Variants in SGCZ observed in about 807,000 individuals in gnomAD.
SGCZ encodes the protein zeta-sarcoglycan.
SGCZ carries 40 observed loss-of-function variants against 41.3 expected under a neutral mutation model. That is an observed-to-expected ratio of 0.97 (90% CI 0.75 to 1.26). The LOEUF is 1.26. SGCZ is among the 50% of genes most tolerant of loss of function. SGCZ has a pLI of 0.00. For missense variants in SGCZ, 552 were observed against 369.8 expected (o/e 1.49, Z -4.04); for synonymous variants, 206 against 137.5 (o/e 1.50, Z -3.49).
Position 14,975,728 on chromosome 8 carries a change from G to A in SGCZ, c.39+261857C>T, listed in dbSNP as rs560143740. ...GATAAAATGCTGTGTTTTCTCTTAC[G>A]AAATAGTATGTTTTTACCTTATTGA... is the stretch of plus-strand genomic sequence containing the variant. On this transcript the variant is annotated intron_variant, in intron 1 of 7. Transcript: ENST00000382080. 2.6e-3 allele frequency among the ~76,000 whole-genome samples: 391 copies of A among 151,064 alleles called. 3 individuals are homozygous for A. Among genetic ancestry groups the A allele is most frequent in the African/African-American group, 9.0e-3 (370 of 41,114 alleles).
intron 1 of SGCZ, among the ~76,000 whole-genome samples, chr8:15,203,665 TAGAA>T (rs1193906339): frequency 6.6e-6 from 1 of 152,134 alleles, no homozygotes; most frequent in Non-Finnish European, 1.5e-5. Flanking sequence ...TGAGTGCAAA[TAGAA>T]AGGAAAATAA....
At chr8:14,832,756 T>C (rs763026583) in intron 1 of SGCZ, among the ~76,000 whole-genome samples, 5 of 152,102 alleles carry the variant, frequency 3.3e-5, no homozygotes, top group Non-Finnish European at 5.9e-5. Context: ...CCTATGAATA[T>C]TAGGCTCAAT....
chr8:14,646,297 G>A (rs367856586), intron 1 of SGCZ, among the ~76,000 whole-genome samples: 6 of 152,048 alleles, frequency 3.9e-5, no homozygotes, highest in African/African-American at 1.4e-4. Flanking sequence ...GCAAGAACAT[G>A]TGGTATTTGG....
intron 3 of SGCZ, among the ~76,000 whole-genome samples, chr8:14,297,119 C>T (rs983414222): frequency 8.6e-5 from 13 of 151,988 alleles, no homozygotes; most frequent in South Asian, 2.1e-4. Context: ...AACGGGGTTT[C>T]GCCATGTTAG....
chr8:14,102,992 C>G lies in SGCZ; in HGVS notation c.621-493G>C, dbSNP rs1030622029. Among the ~76,000 whole-genome samples, 18 of 152,146 alleles carry G rather than the reference C, an allele frequency of 1.2e-4. 1 individual carries two copies. Among genetic ancestry groups the G allele is most frequent in the African/African-American group, 4.1e-4 (17 of 41,432 alleles). Reference sequence around the variant, plus strand: ...TAATGAAAATTGTTAATATTGCACACTTTCAGGCATGTGCAAAATATTATG... The same window carrying G: ...TAATGAAAATTGTTAATATTGCACAGTTTCAGGCATGTGCAAAATATTATG... On this transcript the variant is annotated intron_variant, in intron 6 of 7. Transcript: ENST00000382080.
intron 5 of SGCZ, among the ~76,000 whole-genome samples, chr8:14,146,247 T>C (rs1803516704): frequency 6.6e-6 from 1 of 152,200 alleles, no homozygotes; most frequent in Non-Finnish European, 1.5e-5. Flanking sequence ...GCCAACTCTT[T>C]CAGTGGAAAC....
chr8:15,074,317 C>G (rs1805455825), intron 1 of SGCZ, among the ~76,000 whole-genome samples: 1 of 152,146 alleles, frequency 6.6e-6, no homozygotes, highest in Non-Finnish European at 1.5e-5. Flanking sequence ...CATCCCAACA[C>G]CTTGTCTCTC....
At chr8:14,967,829 T>C (rs1295249778) in intron 1 of SGCZ, among the ~76,000 whole-genome samples, 1 of 152,140 alleles carries the variant, frequency 6.6e-6, no homozygotes, top group Non-Finnish European at 1.5e-5. Flanking sequence ...TGATTAAAAA[T>C]TACTCTCTGC....
chr8:14,701,765 A>C (rs1809145207), intron 1 of SGCZ, among the ~76,000 whole-genome samples: 1 of 151,616 alleles, frequency 6.6e-6, no homozygotes, highest in Non-Finnish European at 1.5e-5. Flanking sequence ...ACCTCTTACC[A>C]AACCCCCTGC....
intron 1 of SGCZ, among the ~76,000 whole-genome samples, chr8:14,658,903 G>A (rs1807660603): frequency 6.6e-6 from 1 of 151,594 alleles, no homozygotes; most frequent in Non-Finnish European, 1.5e-5. Context: ...AAAAAAATGA[G>A]GAAAGGAAGG....
At chr8:14,154,593 A>G (rs1204371599) in intron 5 of SGCZ, among the ~76,000 whole-genome samples, 1 of 152,210 alleles carries the variant, frequency 6.6e-6, no homozygotes, top group Non-Finnish European at 1.5e-5. Flanking sequence ...AGTCATGTGC[A>G]TAATTTTTAA....
chr8:15,015,442 G>C (rs1193814927), intron 1 of SGCZ, among the ~76,000 whole-genome samples: 1 of 151,782 alleles, frequency 6.6e-6, no homozygotes, highest in Admixed American at 6.6e-5. Flanking sequence ...GCTCACACTT[G>C]TAATCCCAGC....
intron 1 of SGCZ, among the ~76,000 whole-genome samples, chr8:14,965,287 A>T (rs966484011): frequency 1.3e-5 from 2 of 152,130 alleles, no homozygotes; most frequent in Admixed American, 1.3e-4. Flanking sequence ...GGTAGGTGCG[A>T]TGTTTAACCT....
At chr8:14,305,124 T>G (rs1427019) in intron 3 of SGCZ, among the ~76,000 whole-genome samples, 21,709 of 152,134 alleles carry the variant, frequency 0.14, 1,718 homozygotes, top group Admixed American at 0.21. Context: ...AGTACATATC[T>G]TATTTTACTG....
intron 4 of SGCZ, among the ~76,000 whole-genome samples, chr8:14,227,267 T>G (rs374553555): frequency 6.6e-6 from 1 of 152,094 alleles, no homozygotes; most frequent in South Asian, 2.1e-4. Context: ...AACAGTTTTC[T>G]TTATTCTAAT....
chr8:14,458,338 A>G (rs889770153), intron 2 of SGCZ, among the ~76,000 whole-genome samples: 10 of 152,204 alleles, frequency 6.6e-5, no homozygotes, highest in African/African-American at 1.2e-4. Flanking sequence ...ACTGGATATC[A>G]TAATGCCAAA....
At position 14,171,623 on chromosome 8, in the gene SGCZ, T is replaced by C. The variant is rs773339833; in HGVS notation, c.425-6921A>G. Among the ~76,000 whole-genome samples, 206 of 152,156 alleles carry C rather than the reference T, an allele frequency of 1.4e-3. 2 individuals are homozygous for C. Among genetic ancestry groups the C allele is most frequent in the Non-Finnish European group, 1.6e-4 (11 of 67,932 alleles). Reference sequence around the variant, plus strand: ...GTACATATATTTACATTTTCTAACATAAAAAATCGTATACAGAAACCATTT... The same window carrying C: ...GTACATATATTTACATTTTCTAACACAAAAAATCGTATACAGAAACCATTT... On this transcript the variant is annotated intron_variant, in intron 4 of 7. Transcript: ENST00000382080.
intron 1 of SGCZ, among the ~76,000 whole-genome samples, chr8:14,868,184 T>G (rs1235541657): frequency 6.6e-6 from 1 of 152,140 alleles, no homozygotes; most frequent in Admixed American, 6.6e-5. Flanking sequence ...GTGAAGATGC[T>G]GAAAGGTCAG....
At chr8:14,994,196 T>C (rs543594510) in intron 1 of SGCZ, among the ~76,000 whole-genome samples, 2 of 152,342 alleles carry the variant, frequency 1.3e-5, no homozygotes, top group African/African-American at 4.8e-5. Flanking sequence ...TCCCCACATT[T>C]GGTCTCATCA....
Sources: gnomAD v4.1 joint callset for allele counts (sites outside exome capture counted in the v4.1 genomes callset) on GRCh38, gnomAD v4.1.1 for gene constraint, MANE v1.5 for transcripts, NCBI Gene and HGNC (gene_info 2026-07-23, HGNC 2026-07-21) for gene names.